Variants in TCF4 observed in about 807,000 individuals in gnomAD.
The protein encoded by TCF4 is transcription factor 4, also known as SL3-3 enhancer factor 2.
Under a neutral mutation model 82.1 loss-of-function variants are expected in TCF4, and 3 were observed. The ratio of observed to expected loss-of-function variants is 0.04; its 90% CI spans 0.02 to 0.09. The LOEUF is 0.09. Ranked by LOEUF, TCF4 falls within the 10% of genes least tolerant of loss-of-function variation. The pLI is 1.00. For synonymous variants in TCF4, 276 were observed against 309.6 expected (o/e 0.89, Z 1.14); for missense variants, 518 against 852.7 (o/e 0.61, Z 4.89).
chr18:55,288,401 G>T (rs1407005648), intron 8 of TCF4, among the ~76,000 whole-genome samples: 1 of 152,138 alleles, frequency 6.6e-6, no homozygotes, highest in African/African-American at 2.4e-5. Context: ...ATGGCTAAGG[G>T]ATCTGAGGCA....
chr18:55,333,358 C>T (rs935325410), intron 8 of TCF4, among the ~76,000 whole-genome samples: 14 of 151,926 alleles, frequency 9.2e-5, no homozygotes, highest in African/African-American at 3.4e-4. Flanking sequence ...TTCAAAACTG[C>T]TCAGTCATTT....
At chr18:55,594,102 A>G (rs1336161830) in intron 2 of TCF4, among the ~76,000 whole-genome samples, 1 of 152,192 alleles carries the variant, frequency 6.6e-6, no homozygotes, top group Admixed American at 6.5e-5. Flanking sequence ...CCAGAGATTT[A>G]TGACACACAC....
At chr18:55,468,091 G>A (rs2096071014) in intron 3 of TCF4, among the ~76,000 whole-genome samples, 1 of 152,178 alleles carries the variant, frequency 6.6e-6, no homozygotes, top group Admixed American at 6.5e-5. Context: ...CACGCAGAGT[G>A]AATATATTTA....
chr18:55,364,124 C>A (rs772469983), intron 6 of TCF4, among the ~76,000 whole-genome samples: 2 of 152,112 alleles, frequency 1.3e-5, no homozygotes, highest in Non-Finnish European at 2.9e-5. Flanking sequence ...TATAAACTTT[C>A]TGGAAGGCAA....
chr18:55,375,124 C>G (rs1380759520), intron 6 of TCF4, among the ~76,000 whole-genome samples: 2 of 151,658 alleles, frequency 1.3e-5, no homozygotes, highest in Non-Finnish European at 2.9e-5. Context: ...AATTTAGCCA[C>G]CAAATTTCTG....
intron 5 of TCF4, among the ~76,000 whole-genome samples, chr18:55,416,596 T>A (rs1407316889): frequency 1.3e-5 from 2 of 152,212 alleles, no homozygotes; most frequent in Non-Finnish European, 2.9e-5. Context: ...TTCATAAACT[T>A]GAGAGAACTT....
intron 3 of TCF4, among the ~76,000 whole-genome samples, chr18:55,503,422 T>C (rs1373668331): frequency 1.3e-5 from 2 of 152,174 alleles, no homozygotes; most frequent in Non-Finnish European, 2.9e-5. Context: ...TTTTCACATA[T>C]TATTTCATTC....
intron 5 of TCF4, among the ~76,000 whole-genome samples, chr18:55,404,589 A>G (rs2093993731): frequency 1.3e-5 from 2 of 152,240 alleles, no homozygotes; most frequent in Admixed American, 1.3e-4. Flanking sequence ...GAGGCTGAAT[A>G]GATTTCCTTC....
At chr18:55,540,606 G>C (rs2097157400) in intron 3 of TCF4, among the ~76,000 whole-genome samples, 1 of 152,000 alleles carries the variant, frequency 6.6e-6, no homozygotes. Flanking sequence ...AAAAATAAGA[G>C]AAATTCCTGG....
At chr18:55,338,917 A>G (rs947830161) in intron 8 of TCF4, among the ~76,000 whole-genome samples, 1 of 152,224 alleles carries the variant, frequency 6.6e-6, no homozygotes, top group African/African-American at 2.4e-5. Flanking sequence ...TTTACAGGTG[A>G]CTCAATTTTT....
At chr18:55,342,836 G>A (rs1021255549) in intron 8 of TCF4, among the ~76,000 whole-genome samples, 1 of 152,088 alleles carries the variant, frequency 6.6e-6, no homozygotes, top group Admixed American at 6.6e-5. Context: ...TCCAAACAGG[G>A]TTACTTGAAA....
intron 6 of TCF4, chr18:55,352,116 A>AGGCC (rs1472035442): frequency 5.9e-6 from 1 of 170,418 alleles, no homozygotes; most frequent in Admixed American, 6.5e-5. Context: ...TACTCTAAAT[A>AGGCC]GGCCAATTAT....
At chr18:55,400,331 T>C (rs1257904026) in intron 6 of TCF4, among the ~76,000 whole-genome samples, 2 of 152,190 alleles carry the variant, frequency 1.3e-5, no homozygotes, top group African/African-American at 2.4e-5. Context: ...AGGTTACCAT[T>C]TGGCAAGAAC....
intron 5 of TCF4, among the ~76,000 whole-genome samples, chr18:55,431,149 A>G (rs1465578057): frequency 6.6e-6 from 1 of 152,212 alleles, no homozygotes; most frequent in Non-Finnish European, 1.5e-5. Flanking sequence ...CATGGGGGAA[A>G]AAGGAGCCAG....
intron 6 of TCF4, among the ~76,000 whole-genome samples, chr18:55,360,164 G>A (rs534067586): frequency 6.6e-6 from 1 of 152,304 alleles, no homozygotes; most frequent in East Asian, 1.9e-4. Flanking sequence ...AAATAGGTTA[G>A]GAGAACTTAA....
intron 3 of TCF4, among the ~76,000 whole-genome samples, chr18:55,502,507 T>C (rs2096712248): frequency 3.9e-5 from 6 of 152,162 alleles, no homozygotes; most frequent in African/African-American, 1.4e-4. Context: ...GGTAACTACA[T>C]AACAAAGCAG....
chr18:55,494,182 A>ACG (rs397962929), intron 3 of TCF4, among the ~76,000 whole-genome samples: 1 of 151,718 alleles, frequency 6.6e-6, no homozygotes, highest in Non-Finnish European at 1.5e-5. Flanking sequence ...ACACACACAC[A>ACG]GATTAGTCAG....
At chr18:55,489,295 A>G (rs2096550888) in intron 3 of TCF4, among the ~76,000 whole-genome samples, 2 of 152,154 alleles carry the variant, frequency 1.3e-5, no homozygotes. Context: ...GAATTTCACC[A>G]AGCCTCTCCT....
chr18:55,385,585 G>A (rs941306746), intron 6 of TCF4, among the ~76,000 whole-genome samples: 1 of 152,136 alleles, frequency 6.6e-6, no homozygotes, highest in Non-Finnish European at 1.5e-5. Flanking sequence ...ATTTTTAGTA[G>A]AGATGGGGTT....
Sources: gnomAD v4.1 joint callset for allele counts (sites outside exome capture counted in the v4.1 genomes callset) on GRCh38, gnomAD v4.1.1 for gene constraint, MANE v1.5 for transcripts, NCBI Gene and HGNC (gene_info 2026-07-23, HGNC 2026-07-21) for gene names.